ZNF804A: variants seen among roughly 807,000 people sequenced by gnomAD.
The protein encoded by ZNF804A is zinc finger protein 804A.
Under a neutral mutation model 16.5 loss-of-function variants are expected in ZNF804A, and 2 were observed. The observed-to-expected ratio is 0.12, with a 90% confidence interval of 0.05 to 0.38. The LOEUF (loss-of-function observed/expected upper bound fraction) is 0.38. Among genes scored for constraint, ZNF804A ranks in the 10% least tolerant of loss-of-function variants. The probability of loss-of-function intolerance (pLI) is 0.99; values close to 1 mark genes in which losing one functional copy is unlikely to be tolerated. For missense variants in ZNF804A, 1,473 were observed against 1,390.7 expected (o/e 1.06, Z -0.94); for synonymous variants, 534 against 489.6 (o/e 1.09, Z -1.20).
At chr2:184,805,379 C>T (rs1189291971) in intron 1 of ZNF804A, among the ~76,000 whole-genome samples, 2 of 151,974 alleles carry the variant, frequency 1.3e-5, no homozygotes, top group Non-Finnish European at 1.5e-5. Context: ...ACTGTATATG[C>T]TTAATTGGTA....
At chr2:184,628,307 G>A (rs764591695) in intron 1 of ZNF804A, among the ~76,000 whole-genome samples, 3 of 151,420 alleles carry the variant, frequency 2.0e-5, no homozygotes, top group Admixed American at 6.6e-5. Flanking sequence ...GAGTGAAACC[G>A]TCTCTGAAAA....
At position 184,892,119 on chromosome 2, in the gene ZNF804A, T is replaced by C. The variant is rs575773769; in HGVS notation, c.255+25607T>C. Among the ~76,000 whole-genome samples the C allele has an allele frequency of 2.8e-4, 43 of 152,322 alleles. No homozygotes were observed. In the South Asian group the frequency reaches 4.6e-3, roughly 16 times the overall value. ...CTTCTCTTCATCAATGTTTATTTTA[T>C]AATTATTAGTTTTGAAAACCAAAGC... is the stretch of plus-strand genomic sequence containing the variant. On this transcript the variant is annotated intron_variant, in intron 2 of 3. Transcript: ENST00000302277.
At chr2:184,616,146 T>G (rs1348632709) in intron 1 of ZNF804A, among the ~76,000 whole-genome samples, 1 of 152,208 alleles carries the variant, frequency 6.6e-6, no homozygotes, top group Non-Finnish European at 1.5e-5. Context: ...TTTTACTTTT[T>G]TTTCAATATT....
At chr2:184,716,014 A>C (rs1192676751) in intron 1 of ZNF804A, among the ~76,000 whole-genome samples, 3 of 152,214 alleles carry the variant, frequency 2.0e-5, no homozygotes, top group African/African-American at 7.2e-5. Flanking sequence ...TGGGAGAATG[A>C]GCCCAACCAA....
intron 1 of ZNF804A, among the ~76,000 whole-genome samples, chr2:184,608,631 G>T (rs1484154858): frequency 2.0e-5 from 3 of 152,164 alleles, no homozygotes; most frequent in Non-Finnish European, 2.9e-5. Flanking sequence ...TTTGACAAGA[G>T]AATACTATTC....
chr2:184,696,683 T>A (rs1692836475), intron 1 of ZNF804A, among the ~76,000 whole-genome samples: 1 of 152,168 alleles, frequency 6.6e-6, no homozygotes, highest in Non-Finnish European at 1.5e-5. Flanking sequence ...AATTAACATA[T>A]GGTTTTTCAC....
intron 1 of ZNF804A, among the ~76,000 whole-genome samples, chr2:184,627,240 T>C (rs1165751105): frequency 6.6e-6 from 1 of 152,132 alleles, no homozygotes; most frequent in Admixed American, 6.5e-5. Flanking sequence ...ATTTTATTAG[T>C]ACATAAAATG....
chr2:184,805,494 C>G (rs1694786955), intron 1 of ZNF804A, among the ~76,000 whole-genome samples: 1 of 151,960 alleles, frequency 6.6e-6, no homozygotes. Flanking sequence ...TTGGGAATAG[C>G]AGGCTATTCC....
chr2:184,860,899 T>C (rs1422981495), intron 1 of ZNF804A, among the ~76,000 whole-genome samples: 2 of 152,212 alleles, frequency 1.3e-5, no homozygotes, highest in African/African-American at 4.8e-5. Flanking sequence ...GTCTCTGGGG[T>C]TGGCCTAGGG....
intron 1 of ZNF804A, among the ~76,000 whole-genome samples, chr2:184,628,886 G>A (rs576291489): frequency 1.1e-4 from 17 of 151,926 alleles, no homozygotes; most frequent in African/African-American, 4.1e-4. Context: ...GAGTTTCTGT[G>A]GTATTCACAT....
chr2:184,625,064 C>A (rs1691475036), intron 1 of ZNF804A, among the ~76,000 whole-genome samples: 1 of 152,112 alleles, frequency 6.6e-6, no homozygotes, highest in Non-Finnish European at 1.5e-5. Context: ...ATCACCAAAA[C>A]AATTTAATCT....
intron 1 of ZNF804A, among the ~76,000 whole-genome samples, chr2:184,759,146 T>C (rs1052159733): frequency 6.6e-6 from 1 of 151,106 alleles, no homozygotes; most frequent in Non-Finnish European, 1.5e-5. Context: ...GTATAATTTA[T>C]ATATATGGAG....
chr2:184,784,844 A>G (rs144281498), intron 1 of ZNF804A, among the ~76,000 whole-genome samples: 142 of 152,186 alleles, frequency 9.3e-4, no homozygotes, highest in African/African-American at 3.2e-3. Context: ...CAACAATGCC[A>G]TAAGTCTTGA....
chr2:184,814,500 T>C (rs1294607409), intron 1 of ZNF804A, among the ~76,000 whole-genome samples: 1 of 152,082 alleles, frequency 6.6e-6, no homozygotes, highest in Admixed American at 6.6e-5. Context: ...AAACCTCTGC[T>C]TCAAAGGTTG....
chr2:184,883,423 A>G (rs1447699703), intron 2 of ZNF804A, among the ~76,000 whole-genome samples: 2 of 152,140 alleles, frequency 1.3e-5, no homozygotes, highest in African/African-American at 2.4e-5. Flanking sequence ...TAACTCTTCT[A>G]TGAGGCCAGC....
intron 1 of ZNF804A, among the ~76,000 whole-genome samples, chr2:184,736,561 G>A (rs1693616581): frequency 6.6e-6 from 1 of 152,074 alleles, no homozygotes; most frequent in African/African-American, 2.4e-5. Context: ...AGGCAGGGTA[G>A]CAACACAGCT....
chr2:184,819,868 G>A (rs574845201), intron 1 of ZNF804A, among the ~76,000 whole-genome samples: 26 of 152,100 alleles, frequency 1.7e-4, no homozygotes, highest in African/African-American at 6.3e-4. Context: ...AATGAATCAG[G>A]GAGAAATTGA....
At chr2:184,621,037 C>T (rs1454843373) in intron 1 of ZNF804A, among the ~76,000 whole-genome samples, 1 of 151,198 alleles carries the variant, frequency 6.6e-6, no homozygotes, top group African/African-American at 2.4e-5. Context: ...ACAGAAATAA[C>T]AGACGAACAT....
At chr2:184,760,405 T>C (rs772932690) in intron 1 of ZNF804A, among the ~76,000 whole-genome samples, 2 of 152,170 alleles carry the variant, frequency 1.3e-5, no homozygotes, top group Non-Finnish European at 2.9e-5. Flanking sequence ...TCTATTGAGA[T>C]AATAGATCTA....
Sources: gnomAD v4.1 joint callset for allele counts (sites outside exome capture counted in the v4.1 genomes callset) on GRCh38, gnomAD v4.1.1 for gene constraint, MANE v1.5 for transcripts, NCBI Gene and HGNC (gene_info 2026-07-23, HGNC 2026-07-21) for gene names.